Variants in SRSF11 observed in about 807,000 individuals in gnomAD.
The protein encoded by SRSF11 is serine/arginine-rich splicing factor 11.
In SRSF11, 9 loss-of-function variants were observed where a neutral mutation model predicts 56.0. The ratio of observed to expected loss-of-function variants is 0.16; its 90% CI spans 0.10 to 0.28. The LOEUF is 0.28. Ranked by LOEUF, SRSF11 falls within the 10% of genes least tolerant of loss-of-function variation. The probability of loss-of-function intolerance (pLI) is 1.00; values close to 1 mark genes in which losing one functional copy is unlikely to be tolerated. For synonymous variants in SRSF11, 222 were observed against 215.3 expected (o/e 1.03, Z -0.27); for missense variants, 421 against 600.7 (o/e 0.70, Z 3.13).
At chr1:70,224,086 A>G (rs2100631215) in intron 1 of SRSF11, among the ~76,000 whole-genome samples, 1 of 152,322 alleles carries the variant, frequency 6.6e-6, no homozygotes, top group South Asian at 2.1e-4. Context: ...TATTATAAGT[A>G]ATCACGAGAT....
At chr1:70,211,155 T>G (rs1669529180) in intron 1 of SRSF11, among the ~76,000 whole-genome samples, 1 of 151,612 alleles carries the variant, frequency 6.6e-6, no homozygotes, top group Non-Finnish European at 1.5e-5. Flanking sequence ...TTTGTATTAA[T>G]TGTATGGATT....
At chr1:70,250,560 G>C (rs1256905266) in intron 11 of SRSF11, 48 bp from the exon 12 acceptor site, 1 of 1,608,834 alleles carries the variant, frequency 6.2e-7, no homozygotes, top group Middle Eastern at 1.7e-4. Flanking sequence ...ACTTTCAGAA[G>C]TTATTTTTCT....
rs1678105263 is a variant in SRSF11, at chr1:70,252,579, T to G, written c.*1774T>G. The G allele has an allele frequency of 1.1e-4, 2 of 18,088 alleles. No individual in the cohort carries two copies. Among genetic ancestry groups the G allele is most frequent in the Non-Finnish European group, 2.0e-4 (2 of 10,112 alleles). 1.1% of individuals were successfully genotyped at this position (18,088 alleles called of 1,614,324 possible). On this transcript the variant is annotated 3_prime_UTR_variant, in exon 12 of 12. Coordinates refer to ENST00000370949, the MANE Select transcript of SRSF11 (RefSeq NM_001350605.2). ...GTAGTAAGTAACTTTTTAAAGATTT[T>G]ATCAAAAAGAATTGTCTATAGTGAG...
chr1:70,231,767 A>G (rs2100743511), intron 2 of SRSF11: 1 of 1,275,494 alleles, frequency 7.8e-7, no homozygotes, highest in Middle Eastern at 2.2e-4. Flanking sequence ...TGGTAGGTGT[A>G]AAAGAAAATC....
intron 1 of SRSF11, among the ~76,000 whole-genome samples, chr1:70,208,408 C>A (rs1256714384): frequency 1.3e-5 from 2 of 152,140 alleles, no homozygotes; most frequent in East Asian, 3.9e-4. Context: ...ACCTTGGTCA[C>A]TGCAACCTCC....
At chr1:70,234,618 T>G in intron 3 of SRSF11, 78 bp from the exon 4 acceptor site, 1 of 1,191,734 alleles carries the variant, frequency 8.4e-7, no homozygotes, top group Non-Finnish European at 1.2e-6. Flanking sequence ...ATCTGACCCT[T>G]TACATTAAAA....
intron 1 of SRSF11, among the ~76,000 whole-genome samples, chr1:70,210,461 C>T (rs1669463330): frequency 6.6e-6 from 1 of 152,096 alleles, no homozygotes; most frequent in African/African-American, 2.4e-5. Flanking sequence ...GCCTATAATT[C>T]CAGCAGTTTG....
chr1:70,235,556 CG>C lies in SRSF11; in HGVS notation c.590+7del, dbSNP rs747311234. On this transcript the variant is annotated splice_region_variant and intron_variant, in intron 5 of 11. Transcript: ENST00000370949. ...ATGAGTACTGTTGATCCCAAGTAAG[CG>C]TTTTTTCTTTGTTTTCATTGGTGAT... The C allele has an allele frequency of 1.2e-5, 20 of 1,609,020 alleles. No individual in the cohort carries two copies. The South Asian group carries it at 2.2e-4, about 18-fold the overall frequency.
At chr1:70,246,359 C>T (rs1051870926) in intron 8 of SRSF11, among the ~76,000 whole-genome samples, 2 of 151,986 alleles carry the variant, frequency 1.3e-5, no homozygotes, top group East Asian at 3.9e-4. Flanking sequence ...AAGAAGCTTG[C>T]TTGATCCATG....
chr1:70,221,714 C>T lies in SRSF11; in HGVS notation c.78C>T (p.Gly26=), dbSNP rs578210215. 6 of 1,613,460 alleles carry T rather than the reference C, an allele frequency of 3.7e-6. No homozygotes were observed. Among genetic ancestry groups the T allele is most frequent in the Non-Finnish European group, 1.7e-6 (2 of 1,179,612 alleles). Residue 26 remains glycine, a synonymous_variant, in exon 1 of 12, where the codon GGC becomes GGT. Transcript: ENST00000370949. ...GGCCCGGTGGCGGAGGTGGTGGTGG[C>T]GGCGGAGGCGGCGGCACCGAGGTAA... ...SGGPGGGGGG[G]GGGGGTEVIQ... is the part of the protein sequence containing the mutation.
intron 1 of SRSF11, among the ~76,000 whole-genome samples, chr1:70,207,436 A>G (rs186854687): frequency 4.1e-4 from 62 of 152,308 alleles, no homozygotes; most frequent in African/African-American, 1.5e-3. Flanking sequence ...TAGCACGACC[A>G]GGAATTTGAA....
intron 1 of SRSF11, among the ~76,000 whole-genome samples, chr1:70,225,150 C>T (rs1472937057): frequency 6.6e-6 from 1 of 152,152 alleles, no homozygotes; most frequent in East Asian, 1.9e-4. Flanking sequence ...CAGCAAAGTG[C>T]TTATCAGGTG....
chr1:70,239,564 TTATA>T (rs770515777), intron 7 of SRSF11, 44 bp downstream of exon 7: 153 of 1,380,518 alleles, frequency 1.1e-4, no homozygotes, highest in Middle Eastern at 2.0e-4. Flanking sequence ...CAAAGATAAT[TTATA>T]TATGTCACAT....
At chr1:70,213,400 C>CA (rs899831077) in intron 1 of SRSF11, among the ~76,000 whole-genome samples, 2 of 152,166 alleles carry the variant, frequency 1.3e-5, no homozygotes, top group South Asian at 2.1e-4. Context: ...TAACATTCCA[C>CA]AAAAAACCTG....
chr1:70,248,491 A>AG (rs1288692271), intron 9 of SRSF11: 3 of 152,124 alleles, frequency 2.0e-5, no homozygotes, highest in Non-Finnish European at 2.9e-5. Context: ...ACTAAAGGGT[A>AG]GGGAGTTTTT....
chr1:70,221,278 C>G (rs1336721769), upstream of SRSF11: 2 of 278,724 alleles, frequency 7.2e-6, no homozygotes, highest in Non-Finnish European at 6.7e-6. Flanking sequence ...CCCGGTGCCT[C>G]TCATTTCTCG....
In SRSF11 at chr1:70,209,740, C is replaced by CTTTTTTTTTTTTTTTTTTTTT. The variant is rs923729248; in HGVS notation, c.-26+3979_-26+3999dup. On this transcript the variant is annotated intron_variant, in intron 1 of 12. Coordinates refer to the SRSF11 transcript ENST00000370950. ...AGCTGGGACTAAAAGCACCTCGCTT[C>CTTTTTTTTTTTTTTTTTTTTT]TTTTTTTTTTTTTTTTTTTTTTTTT... is the stretch of plus-strand genomic sequence containing the variant. Among the ~76,000 whole-genome samples, 2 of 27,484 alleles carry CTTTTTTTTTTTTTTTTTTTTT rather than the reference C, an allele frequency of 7.3e-5. 1 individual carries two copies. The highest frequency in any genetic ancestry group is 2.9e-4 in the African/African-American group (2 of 6,846). 18.0% of individuals were successfully genotyped at this position (27,484 alleles called of 152,430 possible). A position where few individuals can be genotyped will look rare whatever the true frequency, so the allele number is the denominator to read the frequency against.
intron 7 of SRSF11, among the ~76,000 whole-genome samples, chr1:70,244,228 C>T (rs915148220): frequency 3.3e-5 from 5 of 152,148 alleles, no homozygotes; most frequent in Non-Finnish European, 7.4e-5. Context: ...TATGGACTTA[C>T]GAGACCAATT....
At position 70,221,452 on chromosome 1, in the gene SRSF11, C is replaced by A. The variant is rs979908846; in HGVS notation, c.-185C>A. On this transcript the variant is annotated 5_prime_UTR_variant, in exon 1 of 12. Coordinates refer to ENST00000370949, the MANE Select transcript of SRSF11 (RefSeq NM_001350605.2). The stretch of plus-strand genomic sequence containing the variant: ...GTCTCGAGCTCGCGCGCTCTCATCC[C>A]CTCCCCCGCGGCGTGCGGCGGGGCG... 2 of 869,870 alleles carry A rather than the reference C, an allele frequency of 2.3e-6. No individual in the cohort carries two copies. The highest frequency in any genetic ancestry group is 3.5e-6 in the Non-Finnish European group (2 of 569,826). The allele number at this position is 869,870 out of a possible 1,614,324, so 53.9% of individuals were successfully genotyped here.
Sources: gnomAD v4.1 joint callset for allele counts (sites outside exome capture counted in the v4.1 genomes callset) on GRCh38, gnomAD v4.1.1 for gene constraint, MANE v1.5 for transcripts, NCBI Gene and HGNC (gene_info 2026-07-23, HGNC 2026-07-21) for gene names.